Variants in ESR1 observed in about 807,000 individuals in gnomAD.
ESR1 encodes the protein estrogen receptor.
In ESR1, 12 loss-of-function variants were observed where a neutral mutation model predicts 52.7. That is an observed-to-expected ratio of 0.23 (90% CI 0.15 to 0.37). ESR1 has a LOEUF of 0.37. ESR1 is among the 10% of genes least tolerant of loss of function. ESR1 has a pLI of 1.00. For missense variants in ESR1, 584 were observed against 779.7 expected, an observed-to-expected ratio of 0.75 and a Z score of 2.99; for synonymous variants, 305 against 316.8, an observed-to-expected ratio of 0.96 and a Z score of 0.39.
At chr6:151,787,133 G>A (rs1787105471) in intron 2 of ESR1, among the ~76,000 whole-genome samples, 1 of 152,150 alleles carries the variant, frequency 6.6e-6, no homozygotes, top group African/African-American at 2.4e-5. Context: ...TGTCAGCTTT[G>A]TCAAAGATCA....
intron 2 of ESR1, among the ~76,000 whole-genome samples, chr6:151,857,809 G>A (rs1788138307): frequency 1.3e-5 from 2 of 152,150 alleles, no homozygotes; most frequent in African/African-American, 2.4e-5. Flanking sequence ...GATTACAGAT[G>A]TGAGCTACCA....
intron 4 of ESR1, among the ~76,000 whole-genome samples, chr6:151,947,104 G>A (rs981458195): frequency 1.3e-5 from 2 of 152,156 alleles, no homozygotes; most frequent in Non-Finnish European, 2.9e-5. Flanking sequence ...GATCACCTGA[G>A]GTCAGGAGTT....
chr6:152,092,574 G>A lies in ESR1; in HGVS notation c.1370-1811G>A, dbSNP rs192368750. 6.6e-5 allele frequency among the ~76,000 whole-genome samples: 10 copies of A among 152,198 alleles called. No individual in the cohort carries two copies. The East Asian group carries it at 1.9e-3, about 29-fold the overall frequency. On this transcript the variant is annotated intron_variant, in intron 6 of 7. Coordinates refer to ENST00000206249, the MANE Select transcript of ESR1 (RefSeq NM_000125.4). The stretch of plus-strand genomic sequence containing the variant: ...TGCTGATGAGGAAGGGGAGAGGGGA[G>A]GAGAAGGAATTTGTTTGTGAGATGG...
chr6:152,114,978 C>T (rs891894219), intron 6 of ESR1, among the ~76,000 whole-genome samples: 1 of 146,046 alleles, frequency 6.8e-6, no homozygotes, highest in African/African-American at 2.5e-5. Flanking sequence ...TTAAAATTAT[C>T]ATTATTCTTA....
chr6:152,123,839 T>C (rs1416305390), intron 6 of ESR1, among the ~76,000 whole-genome samples: 3 of 152,240 alleles, frequency 2.0e-5, no homozygotes, highest in Admixed American at 2.0e-4. Context: ...TTGGTAACTG[T>C]AGGTTTGGTC....
intron 7 of ESR1, among the ~76,000 whole-genome samples, chr6:152,097,084 A>T (rs1053001301): frequency 6.6e-6 from 1 of 152,170 alleles, no homozygotes; most frequent in Admixed American, 6.5e-5. Context: ...AAAGCTCTGT[A>T]GAGTTTCTGT....
chr6:151,867,604 A>C (rs1024014033), intron 2 of ESR1, among the ~76,000 whole-genome samples: 18 of 152,234 alleles, frequency 1.2e-4, no homozygotes, highest in African/African-American at 4.1e-4. Context: ...ATGACATACT[A>C]TCTCACACCA....
At chr6:151,979,446 G>A (rs1296793016) in intron 4 of ESR1, among the ~76,000 whole-genome samples, 3 of 151,950 alleles carry the variant, frequency 2.0e-5, no homozygotes, top group African/African-American at 7.3e-5. Context: ...TTGATGACTT[G>A]ATATGTTTTT....
chr6:151,713,665 C>A (rs1416805510), intron 2 of ESR1, among the ~76,000 whole-genome samples: 3 of 152,168 alleles, frequency 2.0e-5, no homozygotes, highest in Non-Finnish European at 4.4e-5. Context: ...GTTTGTATTT[C>A]TGTGGGATTG....
chr6:151,795,648 A>C (rs1476254516), intron 2 of ESR1, among the ~76,000 whole-genome samples: 1 of 152,198 alleles, frequency 6.6e-6, no homozygotes, highest in Non-Finnish European at 1.5e-5. Flanking sequence ...TAAATTGTAC[A>C]GGCGTTATGA....
chr6:152,087,331 C>G (rs2049808500), intron 6 of ESR1, among the ~76,000 whole-genome samples: 1 of 152,160 alleles, frequency 6.6e-6, no homozygotes, highest in South Asian at 2.1e-4. Context: ...AGGAGGTATA[C>G]AAAACATTCC....
intron 2 of ESR1, among the ~76,000 whole-genome samples, chr6:151,880,075 T>C (rs1031550705): frequency 6.6e-6 from 1 of 151,952 alleles, no homozygotes; most frequent in African/African-American, 2.4e-5. Flanking sequence ...ACATAAAATA[T>C]GGTGCTACAA....
intron 5 of ESR1, among the ~76,000 whole-genome samples, chr6:152,022,664 G>T (rs1295015671): frequency 6.6e-6 from 1 of 152,026 alleles, no homozygotes; most frequent in East Asian, 1.9e-4. Flanking sequence ...TCCAAAGGAA[G>T]GGTGTCTTTC....
chr6:151,913,747 A>G (rs1470343472), intron 3 of ESR1, among the ~76,000 whole-genome samples: 1 of 152,178 alleles, frequency 6.6e-6, no homozygotes, highest in Non-Finnish European at 1.5e-5. Context: ...TTGTAAAAAT[A>G]TAATGAAGAA....
At chr6:152,057,043 G>T (rs892863220) in intron 5 of ESR1, among the ~76,000 whole-genome samples, 20 of 152,182 alleles carry the variant, frequency 1.3e-4, no homozygotes, top group Non-Finnish European at 2.6e-4. Flanking sequence ...AGTCTGATTT[G>T]CCCCTTGAAG....
chr6:151,678,149 C>T (rs549434787), intron 1 of ESR1, among the ~76,000 whole-genome samples: 1 of 152,080 alleles, frequency 6.6e-6, no homozygotes, highest in Non-Finnish European at 1.5e-5. Context: ...TCTCCTTGCA[C>T]ATGAGAATCA....
At chr6:151,757,230 G>T (rs1399136347) in intron 2 of ESR1, among the ~76,000 whole-genome samples, 1 of 68,296 alleles carries the variant, frequency 1.5e-5, no homozygotes, top group Non-Finnish European at 2.5e-5. Flanking sequence ...CTATTTTAAC[G>T]TTCCATTAAA....
intron 3 of ESR1, among the ~76,000 whole-genome samples, chr6:151,929,208 TTCAA>T (rs2033228345): frequency 6.6e-6 from 1 of 152,220 alleles, no homozygotes; most frequent in East Asian, 1.9e-4. Context: ...CCCTTTTAGT[TTCAA>T]TCATTTTGCT....
intron 4 of ESR1, among the ~76,000 whole-genome samples, chr6:151,961,320 A>G (rs1405633972): frequency 6.6e-6 from 1 of 152,226 alleles, no homozygotes; most frequent in Admixed American, 6.5e-5. Flanking sequence ...TGAAGATGGT[A>G]TAAGATGAAA....
Sources: allele counts gnomAD v4.1 joint callset (sites outside exome capture counted in the v4.1 genomes callset), GRCh38; gene constraint gnomAD v4.1.1; transcripts MANE v1.5; gene names NCBI Gene and HGNC (gene_info 2026-07-23, HGNC 2026-07-21).